PCDHGA5: variants seen among roughly 807,000 people sequenced by gnomAD.
PCDHGA5 encodes protocadherin gamma subfamily A, 5, also known as protocadherin gamma-A5.
A neutral mutation model predicts 56.7 loss-of-function variants in PCDHGA5; 36 were observed. The observed-to-expected ratio is 0.64, with a 90% CI of 0.49 to 0.84. The LOEUF (loss-of-function observed/expected upper bound fraction) is 0.84, where lower values mean the gene tolerates loss of function less well. PCDHGA5 is among the 40% of genes least tolerant of loss of function. The pLI is 0.00. For synonymous variants in PCDHGA5, 563 were observed against 520.2 expected, an observed-to-expected ratio of 1.08 and a Z score of -1.12; for missense variants, 1,305 against 1,201.5, an observed-to-expected ratio of 1.09 and a Z score of -1.27.
rs1264460635 is a variant in PCDHGA5 at position 141,365,844 on chromosome 5, T to C, written c.1514T>C (p.Val505Ala). Residue 505 changes from valine (V) to alanine (A), a missense_variant, in exon 1 of 4, where the codon GTA becomes GCA. Coordinates refer to ENST00000518069, the MANE Select transcript of PCDHGA5 (RefSeq NM_018918.3). The part of the protein sequence containing the change: ...TFQGAPLSSY[V>A]SINSDTGVLY... ...CAGGGGGCGCCCTTGTCCTCCTATGTATCCATTAACTCTGACACCGGTGTC... is the reference window on the plus strand; with the variant it reads ...CAGGGGGCGCCCTTGTCCTCCTATGCATCCATTAACTCTGACACCGGTGTC... The C allele has an allele frequency of 1.2e-6, 2 of 1,613,980 alleles. No homozygotes were observed. The highest frequency in any genetic ancestry group is 1.7e-6 in the Non-Finnish European group (2 of 1,179,902).
At chr5:141,480,625 G>A (rs1041569361) in intron 1 of PCDHGA5, among the ~76,000 whole-genome samples, 2 of 152,070 alleles carry the variant, frequency 1.3e-5, no homozygotes, top group Non-Finnish European at 2.9e-5. Flanking sequence ...ATTTTCCCTA[G>A]AACAATGTTT....
At chr5:141,437,862 C>T (rs535370570) in intron 1 of PCDHGA5, among the ~76,000 whole-genome samples, 5 of 152,002 alleles carry the variant, frequency 3.3e-5, no homozygotes, top group African/African-American at 9.6e-5. Context: ...CTTAGCCTCC[C>T]GAGTAGCTGG....
intron 1 of PCDHGA5, chr5:141,410,167 T>C (rs372848702): frequency 6.2e-7 from 1 of 1,613,652 alleles, no homozygotes; most frequent in African/African-American, 1.3e-5. Context: ...CGCCACTCTC[T>C]GCCACCGCCA....
At chr5:141,371,942 G>T (rs902262957) in intron 1 of PCDHGA5, 1 of 1,613,292 alleles carries the variant, frequency 6.2e-7, no homozygotes, top group Non-Finnish European at 8.5e-7. Context: ...TGGTGTTCGC[G>T]CAGCGAGCCT....
intron 1 of PCDHGA5, chr5:141,420,275 G>A: frequency 1.3e-6 from 2 of 1,524,576 alleles, no homozygotes; most frequent in Non-Finnish European, 1.8e-6. Flanking sequence ...TCTTAAACAG[G>A]TAAGTATTTA....
Position 141,485,063 on chromosome 5 carries a change from A to C in PCDHGA5, c.2422-9744A>C. On this transcript the variant is annotated intron_variant, in intron 1 of 3. Transcript: ENST00000518069. This position sits in a 1 kb window ranked among gnomAD's most constrained non-coding sequence, Gnocchi z 5.7. ...CTTGCGGCGCCGGCCGAACCGCGCC[A>C]GAGCTGGCGCGGGGAAAGGGAGATA... is the stretch of plus-strand genomic sequence containing the variant. 2 of 874,986 alleles carry C rather than the reference A, an allele frequency of 2.3e-6. No individual in the cohort carries two copies. Among genetic ancestry groups the C allele is most frequent in the Non-Finnish European group, 3.6e-6 (2 of 551,278 alleles). 54.2% of individuals were successfully genotyped at this position (874,986 alleles called of 1,614,324 possible).
chr5:141,472,556 T>A (rs2099287889), intron 1 of PCDHGA5, among the ~76,000 whole-genome samples: 1 of 151,628 alleles, frequency 6.6e-6, no homozygotes, highest in South Asian at 2.1e-4. Flanking sequence ...AAAAAAATTA[T>A]ATTATAAATG....
At chr5:141,428,100 G>A (rs1313410784) in intron 1 of PCDHGA5, 6 of 1,608,582 alleles carry the variant, frequency 3.7e-6, no homozygotes, top group East Asian at 2.2e-5. Context: ...GTCCTACCAC[G>A]TGCTGCAGGC....
intron 1 of PCDHGA5, chr5:141,394,289 C>G (rs191844335): frequency 2.5e-6 from 4 of 1,613,954 alleles, no homozygotes; most frequent in Admixed American, 1.7e-5. Context: ...ACTCTGTGAC[C>G]GAGGACACGC....
chr5:141,507,023 C>T (rs971356315), intron 3 of PCDHGA5: 16 of 152,348 alleles, frequency 1.1e-4, no homozygotes, highest in African/African-American at 2.4e-4. Flanking sequence ...AAGGCACTTG[C>T]CCCAGGGTCC....
rs749781059 is a variant in PCDHGA5 at position 141,477,983 on chromosome 5, C to G, written c.2422-16824C>G. On this transcript the variant is annotated intron_variant, in intron 1 of 3. Coordinates refer to ENST00000518069, the MANE Select transcript of PCDHGA5 (RefSeq NM_018918.3). This position sits in a 1 kb window ranked among gnomAD's most constrained non-coding sequence, Gnocchi z 4.9. ...TAACCAGAGCCTTTTTGCCATAGGG[C>G]TGCACACTGGTCAAATCAGTACTGC... The G allele has an allele frequency of 1.7e-5, 27 of 1,614,126 alleles. No homozygotes were observed. The highest frequency in any genetic ancestry group is 2.3e-5 in the Non-Finnish European group (27 of 1,180,024).
intron 1 of PCDHGA5, chr5:141,408,855 G>A: frequency 6.2e-7 from 1 of 1,613,572 alleles, no homozygotes; most frequent in Non-Finnish European, 8.5e-7. Flanking sequence ...TTGGACGGAG[G>A]GGACCCACCA....
rs375810500 is a variant in PCDHGA5, at chr5:141,364,577, A to G, written c.247A>G (p.Ser83Gly). The change falls in exon 1 of 4, where the codon AGC (serine) becomes GGC (glycine). Residue 83 changes from serine (S) to glycine (G), a missense_variant. By Grantham distance (56) the Ser-to-Gly change is moderately conservative (BLOSUM62 0). Coordinates refer to ENST00000518069, the MANE Select transcript of PCDHGA5 (RefSeq NM_018918.3). ...QLFALNPRSG[S>G]LVTAGRIDRE... ...TTTTGCCCTGAACCCGCGAAGCGGCAGCTTGGTCACCGCGGGCAGGATAGA... is the reference window on the plus strand; with the variant it reads ...TTTTGCCCTGAACCCGCGAAGCGGCGGCTTGGTCACCGCGGGCAGGATAGA... The G allele has an allele frequency of 2.9e-4, 467 of 1,614,196 alleles. No individual in the cohort carries two copies. The highest frequency in any genetic ancestry group is 3.9e-4 in the Non-Finnish European group (459 of 1,179,998).
chr5:141,398,889 C>A (rs1300521650), intron 1 of PCDHGA5: 2 of 1,613,958 alleles, frequency 1.2e-6, no homozygotes, highest in Non-Finnish European at 1.7e-6. Context: ...TTCGGGAAAA[C>A]GTGCCACCAG....
chr5:141,397,919 C>G (rs1158998805), intron 1 of PCDHGA5: 2 of 723,460 alleles, frequency 2.8e-6, no homozygotes, highest in East Asian at 5.5e-5. Flanking sequence ...TCCAGATCTC[C>G]TCGCGCAGCC....
chr5:141,498,713 C>T (rs1216279302), intron 2 of PCDHGA5, among the ~76,000 whole-genome samples: 1 of 152,148 alleles, frequency 6.6e-6, no homozygotes, highest in East Asian at 1.9e-4. Flanking sequence ...GGGTGGATCA[C>T]CTGAGGTCAG....
In PCDHGA5 at chr5:141,489,705, C is replaced by G; in HGVS notation, c.2422-5102C>G. The G allele has an allele frequency of 6.2e-7, 1 of 1,614,022 alleles. No homozygotes were observed. The highest frequency in any genetic ancestry group is 1.1e-5 in the South Asian group (1 of 91,074). ...CATCTGGGGCACGATTCCCACTGGA[C>G]AGTGCCCAGGATCCGGATGTGGGCA... On this transcript the variant is annotated intron_variant, in intron 1 of 3. Coordinates refer to ENST00000518069, the MANE Select transcript of PCDHGA5 (RefSeq NM_018918.3). The surrounding 1 kb of genome is among the most constrained non-coding windows in gnomAD (Gnocchi z 4.5).
At chr5:141,366,922 C>T in intron 1 of PCDHGA5, 171 bp downstream of exon 1, 1 of 1,046,460 alleles carries the variant, frequency 9.6e-7, no homozygotes, top group Non-Finnish European at 1.3e-6. Context: ...TTTTCAAATT[C>T]TGTTTTGGGA....
chr5:141,481,288 A>AGTC (rs2099535099), intron 1 of PCDHGA5, among the ~76,000 whole-genome samples: 1 of 152,188 alleles, frequency 6.6e-6, no homozygotes, highest in Admixed American at 6.5e-5. Flanking sequence ...ATGGTATTTC[A>AGTC]GTCATCTAAG....
Sources: gnomAD v4.1 joint callset for allele counts (sites outside exome capture counted in the v4.1 genomes callset) on GRCh38, gnomAD v4.1.1 for gene constraint, Gnocchi (gnomAD v3.1) non-coding constraint, MANE v1.5 for transcripts, NCBI Gene and HGNC (gene_info 2026-07-23, HGNC 2026-07-21) for gene names.